KCTD18: variants seen among roughly 807,000 people sequenced by gnomAD.
KCTD18 encodes potassium channel tetramerization domain containing 18.
A neutral mutation model predicts 30.4 loss-of-function variants in KCTD18; 22 were observed. That is an observed-to-expected ratio of 0.72 (90% CI 0.52 to 1.03). KCTD18 has a LOEUF of 1.03. Among genes scored for constraint, KCTD18 ranks in the 50% least tolerant of loss-of-function variants. The pLI is 0.00. For missense variants in KCTD18, 529 were observed against 547.6 expected (o/e 0.97, Z 0.34); for synonymous variants, 186 against 209.0 (o/e 0.89, Z 0.95).
chr2:200,491,085 G>C (rs992378115), intron 6 of KCTD18, among the ~76,000 whole-genome samples: 3 of 152,194 alleles, frequency 2.0e-5, no homozygotes, highest in Non-Finnish European at 4.4e-5. Flanking sequence ...GTTGAAATGT[G>C]ATCCCCAATG....
intron 4 of KCTD18, among the ~76,000 whole-genome samples, chr2:200,498,300 T>G (rs1456297186): frequency 6.6e-6 from 1 of 152,250 alleles, no homozygotes; most frequent in Non-Finnish European, 1.5e-5. Flanking sequence ...GATCCTTCAT[T>G]AGTCACTAAT....
chr2:200,490,929 C>T lies in KCTD18; in HGVS notation c.765-313G>A, dbSNP rs114724440. Among the ~76,000 whole-genome samples the T allele has an allele frequency of 4.1e-3, 620 of 152,162 alleles. 5 individuals are homozygous for T. The highest frequency in any genetic ancestry group is 0.013 in the African/African-American group (558 of 41,506). ...TTCCCAAGTATCATGATGTGACCTA[C>T]GGGATAACCAGAAATATCACAAATT... On this transcript the variant is annotated intron_variant, in intron 6 of 6. Coordinates refer to ENST00000359878, the MANE Select transcript of KCTD18 (RefSeq NM_152387.4).
At position 200,504,851 on chromosome 2, in the gene KCTD18, T is replaced by C. The variant is rs749286710; in HGVS notation, c.269A>G (p.Glu90Gly). The change falls in exon 3 of 7, where the codon GAA becomes GGA. Residue 90 changes from glutamate (E) to glycine (G), a missense_variant. Physicochemically the swap from Glu to Gly is moderately conservative, Grantham distance 98 (BLOSUM62 -2). Coordinates refer to ENST00000359878, the MANE Select transcript of KCTD18 (RefSeq NM_152387.4). The part of the protein sequence containing the change: ...TDEQTRIALQ[E>G]EADYFGIPYP... The stretch of plus-strand genomic sequence containing the variant: ...AGGGATGCCAAAGTAATCAGCCTCT[T>C]CCTGTAGGGCGATGCGGGTTTGCTC... 11 of 1,614,176 alleles carry C rather than the reference T, an allele frequency of 6.8e-6. No homozygotes were observed. Among genetic ancestry groups the C allele is most frequent in the Middle Eastern group, 1.6e-4 (1 of 6,062 alleles).
At chr2:200,499,231 T>G in intron 3 of KCTD18, 147 bp from the exon 4 acceptor site, 1 of 585,280 alleles carries the variant, frequency 1.7e-6, no homozygotes, top group Non-Finnish European at 2.8e-6. Context: ...AGTCTTTACA[T>G]CTTTAAAAAT....
At position 200,490,388 on chromosome 2, in the gene KCTD18, G is replaced by GCAGAGCGCCT; in HGVS notation, c.992_993insAGGCGCTCTG (p.Thr332GlyfsTer25). 6.2e-7 allele frequency: 1 copy of GCAGAGCGCCT among 1,614,208 alleles called. No individual in the cohort carries two copies. The highest frequency in any genetic ancestry group is 8.5e-7 in the Non-Finnish European group (1 of 1,180,026). ...GTGCCCCCGTGCCCACCAGGGCCGT[G>GCAGAGCGCCT]GCTCTGGAAGGTGCAGAGCGCTGAG... On this transcript the variant is annotated frameshift_variant, in exon 7 of 7. Coordinates refer to ENST00000359878, the MANE Select transcript of KCTD18 (RefSeq NM_152387.4). LOFTEE classifies it low-confidence loss of function (END_TRUNC).
At chr2:200,502,467 C>T (rs2029905806) in intron 3 of KCTD18, among the ~76,000 whole-genome samples, 1 of 152,266 alleles carries the variant, frequency 6.6e-6, no homozygotes, top group Middle Eastern at 3.4e-3. Flanking sequence ...AAATTCTAAT[C>T]ATGGACTAAC....
chr2:200,503,423 C>A (rs1009230011), intron 3 of KCTD18, among the ~76,000 whole-genome samples: 1 of 152,200 alleles, frequency 6.6e-6, no homozygotes, highest in African/African-American at 2.4e-5. Flanking sequence ...TGGTGTCCCA[C>A]GCAGCCCCTT....
intron 1 of KCTD18, among the ~76,000 whole-genome samples, chr2:200,508,827 C>A (rs2030351796): frequency 1.3e-5 from 2 of 152,222 alleles, no homozygotes; most frequent in Admixed American, 1.3e-4. Flanking sequence ...ACCTCTGAGG[C>A]ATGGGATGGA....
intron 3 of KCTD18, among the ~76,000 whole-genome samples, chr2:200,502,537 C>T (rs189592780): frequency 9.9e-5 from 15 of 152,260 alleles, no homozygotes; most frequent in East Asian, 5.8e-4. Context: ...ATCTAAACTC[C>T]GTATATGCTG....
intron 6 of KCTD18, among the ~76,000 whole-genome samples, chr2:200,491,130 TG>T (rs2087909821): frequency 6.6e-6 from 1 of 152,192 alleles, no homozygotes; most frequent in South Asian, 2.1e-4. Flanking sequence ...GTTTGGGTCA[TG>T]GGGGAGGATC....
chr2:200,502,045 C>G (rs898778976), intron 3 of KCTD18, among the ~76,000 whole-genome samples: 2 of 151,738 alleles, frequency 1.3e-5, no homozygotes, highest in Non-Finnish European at 2.9e-5. Flanking sequence ...GAACAAAAAA[C>G]CAAACACCGC....
intron 5 of KCTD18, among the ~76,000 whole-genome samples, chr2:200,494,083 A>G (rs2087962947): frequency 6.6e-6 from 1 of 152,228 alleles, no homozygotes; most frequent in African/African-American, 2.4e-5. Flanking sequence ...AGCCTCGAAA[A>G]CATTATGCTA....
rs779463028 is a variant in KCTD18, at chr2:200,490,408, G to A, written c.973C>T (p.Arg325Cys). The stretch of plus-strand genomic sequence containing the variant: ...GCCGTGGCTCTGGAAGGTGCAGAGC[G>A]CTGAGCTGCCTTTCTGCGGCTACCA... ...QSGSRRKAAQ[R>C]SAPSRATALV... Residue 325 changes from arginine to cysteine, a missense_variant, in exon 7 of 7, where the codon CGC becomes TGC. Arg to Cys is a radical substitution (Grantham distance 180). Coordinates refer to ENST00000359878, the MANE Select transcript of KCTD18 (RefSeq NM_152387.4). 5.2e-5 allele frequency: 84 copies of A among 1,613,940 alleles called. 1 individual carries two copies. In the Admixed American group the frequency reaches 1.1e-3, roughly 22 times the overall value.
intron 5 of KCTD18, among the ~76,000 whole-genome samples, chr2:200,494,702 T>C (rs990693549): frequency 2.0e-5 from 3 of 152,214 alleles, no homozygotes; most frequent in African/African-American, 7.2e-5. Context: ...TTTATTAAGA[T>C]ATAATTTATG....
intron 6 of KCTD18, among the ~76,000 whole-genome samples, chr2:200,491,724 T>C (rs958192026): frequency 2.6e-5 from 4 of 152,284 alleles, no homozygotes; most frequent in Middle Eastern, 3.4e-3. Context: ...GTCAAAACCT[T>C]GCCTGCTCCT....
Position 200,498,960 on chromosome 2 carries a change from T to C in KCTD18, c.497A>G (p.Lys166Arg). The stretch of plus-strand genomic sequence containing the variant: ...TTCAATAGCGTCTGTTCCATCAGTT[T>C]TTGTGGCATATACACCAATAATTCT... ...ESRIIGVYAT[K>R]TDGTDAIEKQ... Residue 166 changes from lysine (K) to arginine (R), a missense_variant, in exon 4 of 7, where the codon AAA becomes AGA. Coordinates refer to ENST00000359878, the MANE Select transcript of KCTD18 (RefSeq NM_152387.4). 1 of 1,614,180 alleles carries C rather than the reference T, an allele frequency of 6.2e-7. No homozygotes were observed. The highest frequency in any genetic ancestry group is 8.5e-7 in the Non-Finnish European group (1 of 1,180,002).
At chr2:200,490,879 C>T (rs1438707369) in intron 6 of KCTD18, among the ~76,000 whole-genome samples, 1 of 152,128 alleles carries the variant, frequency 6.6e-6, no homozygotes, top group Non-Finnish European at 1.5e-5. Context: ...TGGCACTTTA[C>T]ATAAGAATAC....
At position 200,505,862 on chromosome 2, in the gene KCTD18, T is replaced by TA. The variant is rs145865034; in HGVS notation, c.161-904dup. On this transcript the variant is annotated intron_variant, in intron 2 of 6. Coordinates refer to ENST00000359878, the MANE Select transcript of KCTD18 (RefSeq NM_152387.4). ...TTTTTCTTAGATAATTTAGCAGAAT[T>TA]AAAAAAAAAAAAGAGAGAAAAACCT... is the stretch of plus-strand genomic sequence containing the variant. Among the ~76,000 whole-genome samples the TA allele has an allele frequency of 2.4e-3, 354 of 145,314 alleles. 7 individuals are homozygous for TA. The South Asian group carries it at 0.049, about 20-fold the overall frequency.
intron 3 of KCTD18, among the ~76,000 whole-genome samples, chr2:200,501,103 T>A (rs1167527192): frequency 2.0e-5 from 3 of 152,094 alleles, no homozygotes; most frequent in Non-Finnish European, 2.9e-5. Context: ...TGAAACTGGA[T>A]CCCTTCCTTA....
Sources: gnomAD v4.1 joint callset for allele counts (sites outside exome capture counted in the v4.1 genomes callset) on GRCh38, gnomAD v4.1.1 for gene constraint, MANE v1.5 for transcripts, NCBI Gene and HGNC (gene_info 2026-07-23, HGNC 2026-07-21) for gene names.